The following NAF1 variants were observed in gnomAD, a reference collection of about 807,000 sequenced individuals.
NAF1 encodes H/ACA ribonucleoprotein complex non-core subunit NAF1.
Under a neutral mutation model 40.6 loss-of-function variants are expected in NAF1, and 11 were observed. The ratio of observed to expected loss-of-function variants is 0.27; its 90% CI spans 0.17 to 0.45. The LOEUF (loss-of-function observed/expected upper bound fraction) is 0.45. NAF1 is among the 20% of genes least tolerant of loss of function. The probability of loss-of-function intolerance (pLI) is 1.00; values close to 1 mark genes in which losing one functional copy is unlikely to be tolerated. For missense variants in NAF1, 607 were observed against 611.1 expected (o/e 0.99, Z 0.07); for synonymous variants, 260 against 228.5 (o/e 1.14, Z -1.24).
intron 7 of NAF1, among the ~76,000 whole-genome samples, chr4:163,132,904 G>A (rs999790959): frequency 6.6e-6 from 1 of 152,160 alleles, no homozygotes; most frequent in African/African-American, 2.4e-5. Flanking sequence ...AAGCAAATAG[G>A]TATCTTAAGA....
intron 2 of NAF1, among the ~76,000 whole-genome samples, chr4:163,161,761 G>A (rs998904570): frequency 1.1e-4 from 17 of 152,030 alleles, no homozygotes; most frequent in African/African-American, 3.6e-4. Context: ...ATAATCCGTT[G>A]TTACTGTCTG....
chr4:163,148,303 T>C, intron 3 of NAF1, 38 bp downstream of exon 3: 1 of 1,335,712 alleles, frequency 7.5e-7, no homozygotes, highest in Non-Finnish European at 1.0e-6. Flanking sequence ...TTAGTGTGTG[T>C]TTGGAAACAA....
intron 5 of NAF1, 139 bp downstream of exon 5, chr4:163,140,084 T>G: frequency 1.6e-6 from 1 of 624,838 alleles, no homozygotes; most frequent in Non-Finnish European, 2.5e-6. Flanking sequence ...ATTGTAGGCT[T>G]CAAAGATATT....
intron 4 of NAF1, among the ~76,000 whole-genome samples, chr4:163,145,139 C>A (rs1731411590): frequency 6.6e-6 from 1 of 152,126 alleles, no homozygotes; most frequent in South Asian, 2.1e-4. Flanking sequence ...TTCTGCCAAC[C>A]AGTCAGAATT....
In NAF1 at chr4:163,140,367, C is replaced by T; in HGVS notation, c.734G>A (p.Gly245Glu). 2 of 1,603,516 alleles carry T rather than the reference C, an allele frequency of 1.2e-6. No individual in the cohort carries two copies. Among genetic ancestry groups the T allele is most frequent in the Non-Finnish European group, 1.7e-6 (2 of 1,176,712 alleles). Residue 245 changes from glycine to glutamate, a missense_variant, in exon 5 of 8, where the codon GGA (glycine) becomes GAA (glutamate). Gly to Glu is a moderately conservative substitution (Grantham distance 98). Around this residue, in one of 3 missense-constraint regions of NAF1, gnomAD observed 407 missense variants for 365.5 expected, o/e 1.11. Transcript: ENST00000274054. Reference protein sequence around the residue: ...QAAGKIFEIFGPVAHPFYVLR... With the variant: ...QAAGKIFEIFEPVAHPFYVLR... ...CACATAAAATGGATGTGCAACAGGTCCAAATATCTCGAATATCTGTAATAG... is the reference window on the plus strand; with the variant it reads ...CACATAAAATGGATGTGCAACAGGTTCAAATATCTCGAATATCTGTAATAG...
chr4:163,161,968 G>C (rs1177213600), intron 2 of NAF1, among the ~76,000 whole-genome samples: 1 of 152,080 alleles, frequency 6.6e-6, no homozygotes, highest in Non-Finnish European at 1.5e-5. Context: ...TCTTTCAAGT[G>C]TTCATTTTCC....
downstream of NAF1, chr4:163,126,782 A>T (rs58942721): frequency 0.01 from 5,385 of 534,882 alleles, 249 homozygotes; most frequent in African/African-American, 0.095. Flanking sequence ...AGCACACTTC[A>T]CTGCTATCTA....
chr4:163,131,803 C>T (rs954425494), intron 7 of NAF1, among the ~76,000 whole-genome samples: 7 of 152,114 alleles, frequency 4.6e-5, no homozygotes, highest in Admixed American at 2.0e-4. Flanking sequence ...AAATCATGAA[C>T]GAACCAAATA....
chr4:163,133,143 T>G lies in NAF1; in HGVS notation c.1033+11A>C, dbSNP rs544799171. On this transcript the variant is annotated intron_variant, in intron 7 of 7. Coordinates refer to ENST00000274054, the MANE Select transcript of NAF1 (RefSeq NM_138386.3). ...AGATAAAGAACGAGTATATATATTG[T>G]ATTCACTCACCAGGCTCATTAAATT... 1 of 1,592,456 alleles carries G rather than the reference T, an allele frequency of 6.3e-7. No individual in the cohort carries two copies. The highest frequency in any genetic ancestry group is 2.2e-5 in the East Asian group (1 of 44,676).
In NAF1 at chr4:163,166,433, G is replaced by C. The variant is rs758040980; in HGVS notation, c.295C>G (p.Pro99Ala). 2 of 1,607,846 alleles carry C rather than the reference G, an allele frequency of 1.2e-6. No individual in the cohort carries two copies. The highest frequency in any genetic ancestry group is 4.5e-5 in the East Asian group (2 of 44,750). Reference protein sequence around the residue: ...SPACGDCVTSPGAAEPARAPD... With the variant: ...SPACGDCVTSAGAAEPARAPD... Reference sequence around the variant, plus strand: ...GCCCGCGCAGGCTCTGCGGCTCCTGGGGAGGTGACGCAGTCTCCGCAGGCC... The same window carrying C: ...GCCCGCGCAGGCTCTGCGGCTCCTGCGGAGGTGACGCAGTCTCCGCAGGCC... Residue 99 changes from proline (P) to alanine (A), a missense_variant, in exon 1 of 8, where the codon CCA (proline) becomes GCA (alanine). Pro to Ala is a conservative substitution (Grantham distance 27, BLOSUM62 -1). Transcript: ENST00000274054.
chr4:163,145,386 G>A (rs921376048), intron 4 of NAF1, among the ~76,000 whole-genome samples: 8 of 152,160 alleles, frequency 5.3e-5, no homozygotes, highest in African/African-American at 1.9e-4. Context: ...TGAAAAGTCT[G>A]AGAGCCACTA....
intron 2 of NAF1, among the ~76,000 whole-genome samples, chr4:163,114,613 C>T (rs144494512): frequency 2.0e-5 from 3 of 152,142 alleles, no homozygotes; most frequent in Non-Finnish European, 4.4e-5. Context: ...TTTGCTGTTT[C>T]CATGTTGTTA....
At chr4:163,126,512 T>C (rs1424871645), downstream of NAF1, among the ~76,000 whole-genome samples, 2 of 152,118 alleles carry the variant, frequency 1.3e-5, no homozygotes, top group African/African-American at 4.8e-5. Context: ...ACGAAAAAAC[T>C]TGAACAGATG....
intron 4 of NAF1, among the ~76,000 whole-genome samples, chr4:163,143,302 C>T (rs1411960906): frequency 6.6e-6 from 1 of 152,122 alleles, no homozygotes; most frequent in African/African-American, 2.4e-5. Context: ...GTAACAACAA[C>T]GTGGTACAGC....
At chr4:163,105,881 C>A (rs1278580653), downstream of NAF1, among the ~76,000 whole-genome samples, 1 of 152,144 alleles carries the variant, frequency 6.6e-6, no homozygotes, top group Non-Finnish European at 1.5e-5. Flanking sequence ...AATTCAACTT[C>A]TGCTGAGAAT....
At chr4:163,161,201 G>A (rs1055549418) in intron 2 of NAF1, among the ~76,000 whole-genome samples, 1 of 152,054 alleles carries the variant, frequency 6.6e-6, no homozygotes, top group African/African-American at 2.4e-5. Context: ...GTCCAGGCAC[G>A]GTGGCTCACG....
At chr4:163,109,065 TTATCA>T (rs1367719203), downstream of NAF1, among the ~76,000 whole-genome samples, 1 of 152,130 alleles carries the variant, frequency 6.6e-6, no homozygotes, top group Non-Finnish European at 1.5e-5. Context: ...CTGACTGTAC[TTATCA>T]TATTCCAAGG....
At chr4:163,127,271 A>T (rs1260641529), downstream of NAF1, among the ~76,000 whole-genome samples, 1 of 152,126 alleles carries the variant, frequency 6.6e-6, no homozygotes, top group African/African-American at 2.4e-5. Flanking sequence ...CTGGGATTAC[A>T]GGCACGTGCC....
intron 2 of NAF1, among the ~76,000 whole-genome samples, chr4:163,119,205 A>C (rs1317529964): frequency 6.6e-6 from 1 of 152,118 alleles, no homozygotes; most frequent in Non-Finnish European, 1.5e-5. Flanking sequence ...CTATTTGTAG[A>C]ATGTCCTTAG....
Sources: allele counts gnomAD v4.1 joint callset (sites outside exome capture counted in the v4.1 genomes callset), GRCh38; gene constraint gnomAD v4.1.1; regional missense constraint gnomAD v4.1.1; transcripts MANE v1.5; gene names NCBI Gene and HGNC (gene_info 2026-07-23, HGNC 2026-07-21).